MAP3K19: variants seen among roughly 807,000 people sequenced by gnomAD.
MAP3K19 encodes SPS1/STE20-related protein kinase YSK4.
In MAP3K19, 91 loss-of-function variants were observed where a neutral mutation model predicts 114.4. That is an observed-to-expected ratio of 0.80 (90% CI 0.67 to 0.95). The LOEUF (loss-of-function observed/expected upper bound fraction) is 0.95. MAP3K19 is among the 40% of genes least tolerant of loss of function. The pLI is 0.00. For synonymous variants in MAP3K19, 518 were observed against 530.5 expected, an observed-to-expected ratio of 0.98 and a Z score of 0.32; for missense variants, 1,471 against 1,573.2, an observed-to-expected ratio of 0.94 and a Z score of 1.10.
In MAP3K19 at chr2:134,964,908, T is replaced by A; in HGVS notation, c.3929A>T (p.His1310Leu). Residue 1310 changes from histidine (H) to leucine (L), a missense_variant, in exon 13 of 13, where the codon CAT (histidine) becomes CTT (leucine). Transcript: ENST00000392915. ...GAGCTGGAGAGCAGAAGGTCGCTCA[T>A]GCTGGTCCCTAAGAAGGGAAAAACA... is the stretch of plus-strand genomic sequence containing the variant. ...FVRMCLTRDQ[H>L]ERPSALQLLK... is the part of the protein sequence containing the mutation. 6.2e-7 allele frequency: 1 copy of A among 1,612,636 alleles called. No individual in the cohort carries two copies. The highest frequency in any genetic ancestry group is 1.1e-5 in the South Asian group (1 of 90,740).
At chr2:134,978,476 C>T (rs1465192003) in intron 12 of MAP3K19, among the ~76,000 whole-genome samples, 1 of 152,170 alleles carries the variant, frequency 6.6e-6, no homozygotes, top group African/African-American at 2.4e-5. Flanking sequence ...GCTGGGATTA[C>T]AGGCATGAGC....
chr2:134,967,868 T>A (rs1408017200), intron 12 of MAP3K19, among the ~76,000 whole-genome samples: 1 of 151,932 alleles, frequency 6.6e-6, no homozygotes, highest in Non-Finnish European at 1.5e-5. Flanking sequence ...TTTTTTTTTT[T>A]TTTATTTTTT....
In MAP3K19 at chr2:134,983,799, A is replaced by G. The variant is rs760087965; in HGVS notation, c.3099T>C (p.Tyr1033=). The G allele has an allele frequency of 4.2e-5, 67 of 1,601,330 alleles. No individual in the cohort carries two copies. In the East Asian group the frequency reaches 1.5e-3, roughly 36 times the overall value. Residue 1033 remains tyrosine (Y), a synonymous_variant, in exon 11 of 13, where the codon TAT becomes TAC. Transcript: ENST00000392915. Reference sequence around the variant, plus strand: ...AGATGAGAAATTTCTCCTCCCTGTCATATATCCTGAGCCCACTACTATGCC... The same window carrying G: ...AGATGAGAAATTTCTCCTCCCTGTCGTATATCCTGAGCCCACTACTATGCC... The part of the protein sequence containing the change: ...IQRHSSGLRI[Y]DREEKFLISN...
intron 5 of MAP3K19, among the ~76,000 whole-genome samples, chr2:135,017,172 G>C (rs917116493): frequency 6.6e-6 from 1 of 152,154 alleles, no homozygotes; most frequent in Non-Finnish European, 1.5e-5. Flanking sequence ...CTAAAAATAT[G>C]ACTAGAAGTT....
chr2:135,045,463 G>A lies in MAP3K19; in HGVS notation c.-424+1722C>T, dbSNP rs1688724334. Among the ~76,000 whole-genome samples the A allele has an allele frequency of 3.3e-5, 5 of 151,924 alleles. No individual in the cohort carries two copies. The South Asian group carries it at 1.0e-3, about 32-fold the overall frequency. On this transcript the variant is annotated intron_variant, in intron 1 of 12. Transcript: ENST00000392915. ...AACAGTATTTGCAGGATCATTTCAG[G>A]GGGAAAAAAGGTTTTCCGAAACAAA...
intron 5 of MAP3K19, among the ~76,000 whole-genome samples, chr2:135,010,505 C>T (rs1307830405): frequency 6.6e-6 from 1 of 152,178 alleles, no homozygotes; most frequent in East Asian, 1.9e-4. Flanking sequence ...AAACCATTGA[C>T]AACACCACGG....
In MAP3K19 at chr2:134,998,774, G is replaced by T. The variant is rs764278902; in HGVS notation, c.538C>A (p.Pro180Thr). 5.0e-6 allele frequency: 8 copies of T among 1,602,712 alleles called. No homozygotes were observed. The East Asian group carries it at 1.8e-4, about 36-fold the overall frequency. Residue 180 changes from proline to threonine, a missense_variant, in exon 8 of 13, where the codon CCT becomes ACT. Physicochemically the swap from Pro to Thr is conservative, Grantham distance 38. Coordinates refer to ENST00000392915, the MANE Select transcript of MAP3K19 (RefSeq NM_025052.5). ...CTTTGCTGCTCCTTCAGAAAATGAG[G>T]AGCATCTTCTCTGGTTACAGACTTG... is the stretch of plus-strand genomic sequence containing the variant. ...ISKSVTREDA[P>T]HFLKEQQRKS...
intron 3 of MAP3K19, among the ~76,000 whole-genome samples, chr2:135,029,200 G>A (rs908011116): frequency 2.6e-5 from 4 of 152,196 alleles, no homozygotes; most frequent in East Asian, 1.9e-4. Context: ...GTGAAACCCC[G>A]TCTCTACTGA....
intron 2 of MAP3K19, among the ~76,000 whole-genome samples, chr2:135,031,858 G>C (rs1372033644): frequency 6.6e-6 from 1 of 152,180 alleles, no homozygotes; most frequent in African/African-American, 2.4e-5. Flanking sequence ...ATAATTCCAA[G>C]ATACTGTCTT....
At chr2:135,041,404 G>A (rs1159731443) in intron 1 of MAP3K19, among the ~76,000 whole-genome samples, 1 of 150,856 alleles carries the variant, frequency 6.6e-6, no homozygotes, top group Non-Finnish European at 1.5e-5. Flanking sequence ...GCTGTGTCAC[G>A]ATCTTGGCTC....
intron 12 of MAP3K19, among the ~76,000 whole-genome samples, chr2:134,967,580 C>A (rs929885464): frequency 2.0e-5 from 3 of 152,242 alleles, no homozygotes; most frequent in African/African-American, 7.2e-5. Context: ...TGGAGAGAAA[C>A]ATAAATCTTG....
chr2:134,980,771 C>G, intron 12 of MAP3K19, 50 bp downstream of exon 12: 2 of 1,534,794 alleles, frequency 1.3e-6, no homozygotes, highest in African/African-American at 2.7e-5. Context: ...ATGTCTGCCA[C>G]TTGGAATCTC....
At chr2:134,997,136 G>A (rs779825201) in intron 8 of MAP3K19, among the ~76,000 whole-genome samples, 8 of 152,166 alleles carry the variant, frequency 5.3e-5, no homozygotes, top group Non-Finnish European at 1.0e-4. Flanking sequence ...CAAGGAACAA[G>A]AGTCTAGGTC....
intron 3 of MAP3K19, among the ~76,000 whole-genome samples, chr2:135,026,878 T>C (rs1414628755): frequency 2.0e-5 from 3 of 152,260 alleles, no homozygotes; most frequent in East Asian, 3.9e-4. Flanking sequence ...GAGCCAGATA[T>C]CATAAGAATA....
rs1338350927 is a variant in MAP3K19 at position 135,046,572 on chromosome 2, G to A, written c.-424+613C>T. Among the ~76,000 whole-genome samples the A allele has an allele frequency of 2.6e-5, 4 of 152,172 alleles. No homozygotes were observed. The East Asian group carries it at 7.7e-4, about 29-fold the overall frequency. The stretch of plus-strand genomic sequence containing the variant: ...ATTACGGGCATGAGCCACCATGCCC[G>A]CCCCATTTAGAACTGTTTTGGTCAA... On this transcript the variant is annotated intron_variant, in intron 1 of 12. Transcript: ENST00000392915.
Position 134,991,549 on chromosome 2 carries a change from G to A in MAP3K19, c.606C>T (p.Gly202=), listed in dbSNP as rs892240443. Residue 202 remains glycine (G), a synonymous_variant, in exon 9 of 13, where the codon GGC becomes GGT. Transcript: ENST00000392915. ...EFSTSHMKYS[G]RSIKFLLPPL... ...GCACTAATCTTACCTTGATGCTTCG[G>A]CCACTGTACTTCATATGAGAGGTCG... The A allele has an allele frequency of 7.4e-6, 12 of 1,613,530 alleles. No homozygotes were observed. The African/African-American group carries it at 9.3e-5, about 13-fold the overall frequency.
rs1211070106 is a variant in MAP3K19, at chr2:135,033,402, G to A, written c.-283-2902C>T. On this transcript the variant is annotated intron_variant, in intron 2 of 12. Coordinates refer to ENST00000392915, the MANE Select transcript of MAP3K19 (RefSeq NM_025052.5). ...CCCCCACTGCCCTCCCGGACGGGGCGGCTGGCCGGGCAGAGGGGATCCTCA... is the reference window on the plus strand; with the variant it reads ...CCCCCACTGCCCTCCCGGACGGGGCAGCTGGCCGGGCAGAGGGGATCCTCA... 2.6e-5 allele frequency among the ~76,000 whole-genome samples: 3 copies of A among 113,960 alleles called. 1 individual carries two copies. The highest frequency in any genetic ancestry group is 4.6e-5 in the African/African-American group (1 of 21,954). The allele number at this position is 113,960 out of a possible 152,430, so 74.8% of individuals were successfully genotyped here. A position where few individuals can be genotyped will look rare whatever the true frequency, so the allele number is the denominator to read the frequency against.
intron 12 of MAP3K19, among the ~76,000 whole-genome samples, chr2:134,967,470 T>C (rs1264379265): frequency 2.0e-5 from 3 of 152,218 alleles, no homozygotes; most frequent in Non-Finnish European, 2.9e-5. Flanking sequence ...TGTACATTTG[T>C]TCAGTTCTGA....
At chr2:135,002,916 T>C (rs184468156) in intron 6 of MAP3K19, among the ~76,000 whole-genome samples, 34 of 152,308 alleles carry the variant, frequency 2.2e-4, no homozygotes, top group African/African-American at 7.0e-4. Context: ...TGAATGTTTG[T>C]GTCCCCCACC....
Sources: gnomAD v4.1 joint callset for allele counts (sites outside exome capture counted in the v4.1 genomes callset) on GRCh38, gnomAD v4.1.1 for gene constraint, MANE v1.5 for transcripts, NCBI Gene and HGNC (gene_info 2026-07-23, HGNC 2026-07-21) for gene names.